Variants in ANKRD12 observed in about 807,000 individuals in gnomAD.
ANKRD12 encodes ankyrin repeat domain-containing protein 12.
ANKRD12 carries 85 observed loss-of-function variants against 183.4 expected under a neutral mutation model. The ratio of observed to expected loss-of-function variants is 0.46; its 90% CI spans 0.39 to 0.56. ANKRD12 has a LOEUF of 0.56. Among genes scored for constraint, ANKRD12 ranks in the 20% least tolerant of loss-of-function variants. The pLI is 0.00. For synonymous variants in ANKRD12, 914 were observed against 800.2 expected (o/e 1.14, Z -2.40); for missense variants, 2,405 against 2,357.1 (o/e 1.02, Z -0.42).
At chr18:9,246,326 T>C (rs7232337) in intron 8 of ANKRD12, among the ~76,000 whole-genome samples, 106,109 of 152,064 alleles carry the variant, frequency 0.7, 37,333 homozygotes, top group Middle Eastern at 0.81. Flanking sequence ...TGACTAGTAC[T>C]TTTATAATAA....
chr18:9,157,605 T>TATATG (rs1330885636), intron 1 of ANKRD12, among the ~76,000 whole-genome samples: 3 of 21,518 alleles, frequency 1.4e-4, no homozygotes, highest in Admixed American at 6.3e-4. Context: ...ATATATGTAT[T>TATATG]TTTTTTTTTT....
intron 10 of ANKRD12, among the ~76,000 whole-genome samples, chr18:9,265,907 A>G (rs1211776160): frequency 2.6e-5 from 4 of 152,202 alleles, no homozygotes; most frequent in Non-Finnish European, 5.9e-5. Flanking sequence ...TAGAATAACC[A>G]ATGCAGAGAA....
intron 10 of ANKRD12, among the ~76,000 whole-genome samples, chr18:9,265,797 A>G (rs565442920): frequency 5.9e-5 from 9 of 152,366 alleles, no homozygotes; most frequent in African/African-American, 1.9e-4. Flanking sequence ...TTAAGAGAAG[A>G]AGGCTTCAGA....
At chr18:9,182,188 T>G (rs1032161107) in intron 1 of ANKRD12, among the ~76,000 whole-genome samples, 194 bp from the exon 2 acceptor site, 2 of 152,150 alleles carry the variant, frequency 1.3e-5, no homozygotes, top group Admixed American at 1.3e-4. Context: ...CAGGAAGAAA[T>G]TTATTAAAGT....
chr18:9,199,721 C>T (rs1272051162), intron 3 of ANKRD12, among the ~76,000 whole-genome samples: 1 of 151,146 alleles, frequency 6.6e-6, no homozygotes, highest in Non-Finnish European at 1.5e-5. Context: ...GAAGCAATGC[C>T]TTTAGTTTTT....
At chr18:9,208,209 G>A (rs965443409) in intron 4 of ANKRD12, among the ~76,000 whole-genome samples, 13 of 152,088 alleles carry the variant, frequency 8.5e-5, no homozygotes, top group African/African-American at 2.9e-4. Flanking sequence ...TATTTAGCTC[G>A]TTGGAAGTTT....
intron 8 of ANKRD12, among the ~76,000 whole-genome samples, chr18:9,245,291 A>T (rs1171965202): frequency 5.3e-5 from 8 of 151,778 alleles, no homozygotes; most frequent in Non-Finnish European, 8.8e-5. Context: ...TTCTACAAAA[A>T]AAAAAAAAAA....
chr18:9,257,731 A>G lies in ANKRD12; in HGVS notation c.4464A>G (p.Pro1488=). 1.2e-6 allele frequency: 2 copies of G among 1,614,078 alleles called. No homozygotes were observed. Among genetic ancestry groups the G allele is most frequent in the South Asian group, 2.2e-5 (2 of 91,080 alleles). Residue 1488 remains proline, a synonymous_variant, in exon 9 of 13, where the codon CCA becomes CCG. Coordinates refer to ENST00000262126, the MANE Select transcript of ANKRD12 (RefSeq NM_015208.5). ...CAQDPASFMP[P]QQPCSFPSQS... ...AGGATCCGGCATCCTTTATGCCTCC[A>G]CAGCAGCCTTGCTCTTTCCCCAGCC...
chr18:9,278,266 G>C (rs958243390), intron 11 of ANKRD12, among the ~76,000 whole-genome samples: 1 of 152,154 alleles, frequency 6.6e-6, no homozygotes, highest in African/African-American at 2.4e-5. Flanking sequence ...TCCTATGGGA[G>C]TAGCCTTGGA....
At chr18:9,144,906 A>G (rs2078443646) in intron 1 of ANKRD12, among the ~76,000 whole-genome samples, 1 of 152,138 alleles carries the variant, frequency 6.6e-6, no homozygotes, top group Admixed American at 6.5e-5. Flanking sequence ...ACATTATGTA[A>G]TAAATATGTA....
intron 8 of ANKRD12, among the ~76,000 whole-genome samples, chr18:9,241,436 A>G (rs2037657037): frequency 6.6e-6 from 1 of 152,166 alleles, no homozygotes; most frequent in Admixed American, 6.5e-5. Flanking sequence ...AAAAATTGCA[A>G]TCCATTAGTA....
At chr18:9,214,081 T>C (rs1171915108) in intron 6 of ANKRD12, among the ~76,000 whole-genome samples, 2 of 152,054 alleles carry the variant, frequency 1.3e-5, no homozygotes, top group African/African-American at 2.4e-5. Flanking sequence ...TCAGTAAATA[T>C]ATTTGAAATT....
intron 11 of ANKRD12, 131 bp from the exon 12 acceptor site, chr18:9,279,418 C>A: frequency 1.7e-6 from 1 of 588,488 alleles, no homozygotes; most frequent in Admixed American, 3.5e-5. Flanking sequence ...CAGCAGTATT[C>A]AATTTATATA....
At chr18:9,217,859 A>G (rs1206559911) in intron 7 of ANKRD12, among the ~76,000 whole-genome samples, 2 of 152,150 alleles carry the variant, frequency 1.3e-5, no homozygotes, top group Admixed American at 6.5e-5. Context: ...TCACCTAGAA[A>G]TGTTCAGTAT....
intron 1 of ANKRD12, among the ~76,000 whole-genome samples, chr18:9,143,143 A>G (rs2078375854): frequency 6.6e-6 from 1 of 152,208 alleles, no homozygotes; most frequent in South Asian, 2.1e-4. Flanking sequence ...TCTGTACGCT[A>G]GATACTATTA....
chr18:9,210,618 G>A (rs149340700), intron 5 of ANKRD12, among the ~76,000 whole-genome samples: 1 of 150,010 alleles, frequency 6.7e-6, no homozygotes, highest in Non-Finnish European at 1.5e-5. Context: ...CCACTCGGGA[G>A]GCTGAGGTGG....
chr18:9,191,087 A>G (rs1395480763), intron 2 of ANKRD12, among the ~76,000 whole-genome samples: 1 of 152,240 alleles, frequency 6.6e-6, no homozygotes, highest in Non-Finnish European at 1.5e-5. Flanking sequence ...TAATAGCAGA[A>G]TTAATAGAAG....
intron 8 of ANKRD12, chr18:9,235,811 T>C (rs1318559239): frequency 1.5e-5 from 6 of 395,156 alleles, no homozygotes; most frequent in Non-Finnish European, 3.1e-5. Context: ...AAAATAAAAA[T>C]GATTTAAAAG....
At chr18:9,211,511 C>T in intron 5 of ANKRD12, 73 bp from the exon 6 acceptor site, 1 of 1,342,954 alleles carries the variant, frequency 7.4e-7, no homozygotes, top group East Asian at 2.4e-5. Context: ...TAGCATATTA[C>T]CAATAAAAAC....
Sources: allele counts gnomAD v4.1 joint callset (sites outside exome capture counted in the v4.1 genomes callset), GRCh38; gene constraint gnomAD v4.1.1; transcripts MANE v1.5; gene names NCBI Gene and HGNC (gene_info 2026-07-23, HGNC 2026-07-21).